VWC2L: variants seen among roughly 807,000 people sequenced by gnomAD.
The protein encoded by VWC2L is von Willebrand factor C domain-containing protein 2-like.
VWC2L carries 10 observed loss-of-function variants against 21.6 expected under a neutral mutation model. That is an observed-to-expected ratio of 0.46 (90% CI 0.29 to 0.78). The LOEUF is 0.78. Ranked by LOEUF, VWC2L falls within the 30% of genes least tolerant of loss-of-function variation. VWC2L has a pLI of 0.10. For synonymous variants in VWC2L, 96 were observed against 94.3 expected (o/e 1.02, Z -0.10); for missense variants, 209 against 277.1 (o/e 0.75, Z 1.74).
At position 214,504,886 on chromosome 2, in the gene VWC2L, A is replaced by G. The variant is rs565446449; in HGVS notation, c.520+68128A>G. Among the ~76,000 whole-genome samples the G allele has an allele frequency of 6.6e-4, 101 of 152,252 alleles. 1 individual carries two copies. The highest frequency in any genetic ancestry group is 1.1e-3 in the Non-Finnish European group (74 of 68,044). On this transcript the variant is annotated intron_variant, in intron 3 of 3. Transcript: ENST00000312504. The stretch of plus-strand genomic sequence containing the variant: ...CAGGATGAAAGAGGATAGACAGACA[A>G]GTCCAATTTTGAGCTGTGAATTTCC...
intron 3 of VWC2L, among the ~76,000 whole-genome samples, chr2:214,476,776 C>T (rs1217341029): frequency 6.6e-6 from 1 of 152,178 alleles, no homozygotes; most frequent in East Asian, 1.9e-4. Context: ...TTCCCTTTCT[C>T]TCTCTCTCCT....
At chr2:214,425,564 A>G (rs1370867324) in intron 2 of VWC2L, among the ~76,000 whole-genome samples, 1 of 152,256 alleles carries the variant, frequency 6.6e-6, no homozygotes, top group Admixed American at 6.5e-5. Context: ...GATAAGTCAA[A>G]AAGTTATCTT....
chr2:214,551,782 C>T (rs560622690), intron 3 of VWC2L, among the ~76,000 whole-genome samples: 1 of 152,336 alleles, frequency 6.6e-6, no homozygotes, highest in African/African-American at 2.4e-5. Context: ...GGCACCCACA[C>T]AAATATTCCT....
At chr2:214,560,684 C>T (rs1303057164) in intron 3 of VWC2L, among the ~76,000 whole-genome samples, 1 of 152,058 alleles carries the variant, frequency 6.6e-6, no homozygotes, top group Non-Finnish European at 1.5e-5. Context: ...TAAATATATA[C>T]TATTTTCTGT....
In VWC2L at chr2:214,538,285, A is replaced by T. The variant is rs557266439; in HGVS notation, c.521-37387A>T. On this transcript the variant is annotated intron_variant, in intron 3 of 3. Coordinates refer to ENST00000312504, the MANE Select transcript of VWC2L (RefSeq NM_001080500.4). ...TCTACCAAATTACCACACTGAATAG[A>T]CATGTACATAGACAGTCTCCTACAC... Among the ~76,000 whole-genome samples the T allele has an allele frequency of 3.3e-5, 5 of 152,188 alleles. No individual in the cohort carries two copies. In the South Asian group the frequency reaches 1.0e-3, roughly 31 times the overall value.
At chr2:214,454,995 A>T (rs1452534863) in intron 3 of VWC2L, among the ~76,000 whole-genome samples, 1 of 152,134 alleles carries the variant, frequency 6.6e-6, no homozygotes, top group Non-Finnish European at 1.5e-5. Context: ...AAAATTTTTT[A>T]AAAATTGGTC....
chr2:214,470,777 T>C (rs1026175200), intron 3 of VWC2L, among the ~76,000 whole-genome samples: 5 of 151,724 alleles, frequency 3.3e-5, no homozygotes, highest in African/African-American at 1.2e-4. Context: ...GCTGGGCATA[T>C]TGGCACATGC....
In VWC2L at chr2:214,571,194, G is replaced by A. The variant is rs1375596162; in HGVS notation, c.521-4478G>A. ...ATTCTGATCAGAAGCTCAGGATCCG[G>A]GCAAAGGAATACAGTAATGCACTCC... On this transcript the variant is annotated intron_variant, in intron 3 of 3. Coordinates refer to ENST00000312504, the MANE Select transcript of VWC2L (RefSeq NM_001080500.4). Among the ~76,000 whole-genome samples, 3 of 152,008 alleles carry A rather than the reference G, an allele frequency of 2.0e-5. No homozygotes were observed. In the East Asian group the frequency reaches 5.8e-4, roughly 29 times the overall value.
At chr2:214,525,465 C>A (rs912436485) in intron 3 of VWC2L, 14 of 152,120 alleles carry the variant, frequency 9.2e-5, no homozygotes, top group African/African-American at 2.9e-4. Flanking sequence ...TTGGGAAATG[C>A]TGGATTTGAA....
chr2:214,419,958 C>T (rs960772955), intron 2 of VWC2L, among the ~76,000 whole-genome samples: 2 of 152,206 alleles, frequency 1.3e-5, no homozygotes, highest in Admixed American at 1.3e-4. Context: ...ACTCGGGAGG[C>T]TGAGGCAGGA....
intron 3 of VWC2L, among the ~76,000 whole-genome samples, chr2:214,555,454 G>A (rs1184432741): frequency 1.3e-5 from 2 of 152,102 alleles, no homozygotes; most frequent in African/African-American, 2.4e-5. Flanking sequence ...ATCAATAAAG[G>A]CCATTGAGAG....
chr2:214,539,767 T>G (rs1331879143), intron 3 of VWC2L, among the ~76,000 whole-genome samples: 1 of 152,188 alleles, frequency 6.6e-6, no homozygotes, highest in Non-Finnish European at 1.5e-5. Context: ...TATCTTCCTT[T>G]AAAATAAATT....
chr2:214,502,259 T>A (rs1279175926), intron 3 of VWC2L, among the ~76,000 whole-genome samples: 2 of 152,068 alleles, frequency 1.3e-5, no homozygotes, highest in Non-Finnish European at 2.9e-5. Context: ...ATGCAAAGTG[T>A]AAATATAAAG....
At chr2:214,521,182 G>A (rs911520203) in intron 3 of VWC2L, among the ~76,000 whole-genome samples, 3 of 151,668 alleles carry the variant, frequency 2.0e-5, no homozygotes, top group African/African-American at 4.8e-5. Context: ...TGGAGATCGC[G>A]CCACTGCACT....
At chr2:214,569,902 G>A (rs1463968991) in intron 3 of VWC2L, among the ~76,000 whole-genome samples, 3 of 152,122 alleles carry the variant, frequency 2.0e-5, no homozygotes, top group African/African-American at 7.2e-5. Flanking sequence ...TGGAAGAGGT[G>A]TAACCAGGGT....
At chr2:214,536,245 T>C (rs1689527349) in intron 3 of VWC2L, among the ~76,000 whole-genome samples, 1 of 152,176 alleles carries the variant, frequency 6.6e-6, no homozygotes, top group African/African-American at 2.4e-5. Flanking sequence ...CAGGTTCTTT[T>C]TGGCATAAGC....
chr2:214,507,479 T>G (rs960612410), intron 3 of VWC2L, among the ~76,000 whole-genome samples: 1 of 152,120 alleles, frequency 6.6e-6, no homozygotes, highest in Admixed American at 6.5e-5. Context: ...AATAACGCTC[T>G]CCTGACTAGA....
intron 3 of VWC2L, among the ~76,000 whole-genome samples, chr2:214,461,747 C>G (rs1397846972): frequency 2.6e-5 from 4 of 152,102 alleles, no homozygotes; most frequent in Non-Finnish European, 5.9e-5. Flanking sequence ...ATGGGGCAAT[C>G]CCCAGGTTCC....
intron 3 of VWC2L, among the ~76,000 whole-genome samples, chr2:214,459,553 A>T (rs1269287168): frequency 1.3e-5 from 2 of 151,926 alleles, no homozygotes; most frequent in African/African-American, 4.8e-5. Context: ...TTTACCAATG[A>T]GTTTTATATT....
Sources: allele counts gnomAD v4.1 joint callset (sites outside exome capture counted in the v4.1 genomes callset), GRCh38; gene constraint gnomAD v4.1.1; transcripts MANE v1.5; gene names NCBI Gene and HGNC (gene_info 2026-07-23, HGNC 2026-07-21).